EDNRB: variants seen among roughly 807,000 people sequenced by gnomAD.
The protein encoded by EDNRB is endothelin receptor type B.
A neutral mutation model predicts 46.4 loss-of-function variants in EDNRB; 18 were observed. That is an observed-to-expected ratio of 0.39 (90% confidence interval 0.27 to 0.57). The LOEUF is 0.57. Among genes scored for constraint, EDNRB ranks in the 20% least tolerant of loss-of-function variants. The pLI is 0.61. For missense variants in EDNRB, 434 were observed against 537.5 expected, an observed-to-expected ratio of 0.81 and a Z score of 1.90; for synonymous variants, 213 against 204.9, an observed-to-expected ratio of 1.04 and a Z score of -0.34.
rs112515402 is a variant in EDNRB, at chr13:77,948,877, A to G, written c.-52+26470T>C. Among the ~76,000 whole-genome samples, 388 of 152,334 alleles carry G rather than the reference A, an allele frequency of 2.5e-3. 2 individuals carry two copies. Among genetic ancestry groups the G allele is most frequent in the Middle Eastern group, 0.014 (4 of 294 alleles). ...TGGTTTATGATGTTCTCACAAAGCT[A>G]AAGAAAATACCTTGGGAAGTAAAAC... On this transcript the variant is annotated intron_variant, in intron 1 of 7. Transcript: ENST00000646948.
chr13:77,907,855 G>A (rs147289694), intron 1 of EDNRB, among the ~76,000 whole-genome samples: 4 of 151,628 alleles, frequency 2.6e-5, no homozygotes, highest in Admixed American at 2.0e-4. Flanking sequence ...CATACCACTG[G>A]AGGCCTGCAG....
chr13:77,965,066 C>T (rs1243327992), intron 1 of EDNRB, among the ~76,000 whole-genome samples: 1 of 152,168 alleles, frequency 6.6e-6, no homozygotes, highest in South Asian at 2.1e-4. Flanking sequence ...CCTGTCTTAG[C>T]CCTCTTCTGA....
chr13:77,922,766 A>G (rs551899447), upstream of EDNRB, among the ~76,000 whole-genome samples: 2 of 152,338 alleles, frequency 1.3e-5, no homozygotes, highest in African/African-American at 4.8e-5. Flanking sequence ...AGTGAAATGG[A>G]CAGGGCTTAA....
At chr13:77,901,934 A>G (rs1879010085) in intron 3 of EDNRB, among the ~76,000 whole-genome samples, 1 of 151,920 alleles carries the variant, frequency 6.6e-6, no homozygotes, top group Non-Finnish European at 1.5e-5. Context: ...GTCTCCTTAT[A>G]TATTCAATAG....
intron 6 of EDNRB, among the ~76,000 whole-genome samples, chr13:77,898,957 G>A (rs939601279): frequency 6.6e-6 from 1 of 151,744 alleles, no homozygotes; most frequent in Non-Finnish European, 1.5e-5. Context: ...TAAACAATAA[G>A]GTTATATAGT....
intron 1 of EDNRB, among the ~76,000 whole-genome samples, chr13:77,974,126 T>C (rs1881815642): frequency 1.3e-5 from 2 of 152,150 alleles, no homozygotes; most frequent in South Asian, 2.1e-4. Context: ...TTGCTATTAA[T>C]AAGACCTTGT....
rs994363520 is a variant in EDNRB at position 77,961,362 on chromosome 13, C to T, written c.-52+13985G>A. ...AGAATATACTTTCTTCTCAGCACCA[C>T]GTCGCACATAGTTGGAAGTAAAGCA... On this transcript the variant is annotated intron_variant, in intron 1 of 7. Coordinates refer to the EDNRB transcript ENST00000646948. Among the ~76,000 whole-genome samples the T allele has an allele frequency of 9.3e-5, 14 of 151,334 alleles. No homozygotes were observed. In the South Asian group the frequency reaches 1.0e-3, roughly 11 times the overall value.
In EDNRB at chr13:77,918,606, C is replaced by T. The variant is rs780014290; in HGVS notation, c.-33G>A. On this transcript the variant is annotated 5_prime_UTR_variant, in exon 1 of 7. Coordinates refer to ENST00000646607, the MANE Select transcript of EDNRB (RefSeq NM_001122659.3). The surrounding 1 kb of genome is among the most constrained non-coding windows in gnomAD (Gnocchi z 4.5). ...CCTGCTCCAGAAGGCGTCCGGTGGCCGCTCCGCAGTTTCAGAGCCTAGAGA... is the reference window on the plus strand; with the variant it reads ...CCTGCTCCAGAAGGCGTCCGGTGGCTGCTCCGCAGTTTCAGAGCCTAGAGA... The T allele has an allele frequency of 1.4e-5, 22 of 1,562,782 alleles. No individual in the cohort carries two copies. The highest frequency in any genetic ancestry group is 1.8e-5 in the Non-Finnish European group (21 of 1,164,950).
intron 1 of EDNRB, among the ~76,000 whole-genome samples, chr13:77,955,445 C>A (rs1881207893): frequency 6.6e-6 from 1 of 151,992 alleles, no homozygotes; most frequent in Admixed American, 6.6e-5. Flanking sequence ...TTAATTGTTT[C>A]CTTTGCCATG....
At chr13:77,962,353 C>T (rs532909608) in intron 1 of EDNRB, among the ~76,000 whole-genome samples, 1 of 152,254 alleles carries the variant, frequency 6.6e-6, no homozygotes, top group Non-Finnish European at 1.5e-5. Flanking sequence ...GACCAATATC[C>T]CTGATGAACT....
chr13:77,935,861 G>A (rs1880545820), intron 1 of EDNRB, among the ~76,000 whole-genome samples: 1 of 152,158 alleles, frequency 6.6e-6, no homozygotes, highest in African/African-American at 2.4e-5. Flanking sequence ...GAGAATAGGA[G>A]AGTATATGGG....
At chr13:77,973,734 AC>A (rs1881803305) in intron 1 of EDNRB, among the ~76,000 whole-genome samples, 2 of 152,108 alleles carry the variant, frequency 1.3e-5, no homozygotes, top group South Asian at 4.1e-4. Context: ...AGGCCTAATT[AC>A]TTTTAAACTA....
At chr13:77,960,515 C>A (rs895153318) in intron 1 of EDNRB, among the ~76,000 whole-genome samples, 5 of 152,236 alleles carry the variant, frequency 3.3e-5, no homozygotes, top group African/African-American at 1.2e-4. Flanking sequence ...CCAGGCCTGC[C>A]CTACAAGAGT....
chr13:77,934,475 A>G (rs1880497310), intron 1 of EDNRB, among the ~76,000 whole-genome samples: 1 of 152,170 alleles, frequency 6.6e-6, no homozygotes, highest in Non-Finnish European at 1.5e-5. Context: ...AGAGGTGGGA[A>G]GGCCAAACTG....
intron 1 of EDNRB, among the ~76,000 whole-genome samples, chr13:77,970,032 C>A (rs2137694510): frequency 6.6e-6 from 1 of 152,320 alleles, no homozygotes; most frequent in Admixed American, 6.5e-5. Context: ...GCCTTTCAAG[C>A]TGCAGATTAA....
intron 1 of EDNRB, among the ~76,000 whole-genome samples, chr13:77,964,669 C>T (rs1284436340): frequency 2.0e-5 from 3 of 152,098 alleles, no homozygotes; most frequent in African/African-American, 4.8e-5. Flanking sequence ...AGGAGATATA[C>T]CTAATGTAAA....
At chr13:77,907,700 A>T (rs932246592) in intron 1 of EDNRB, among the ~76,000 whole-genome samples, 33 of 151,944 alleles carry the variant, frequency 2.2e-4, no homozygotes, top group African/African-American at 8.0e-4. Context: ...AGGTATGGCT[A>T]TCAGAAGAAT....
In EDNRB at chr13:77,918,636, C is replaced by T. The variant is rs747628162; in HGVS notation, c.-63G>A. On this transcript the variant is annotated 5_prime_UTR_variant, in exon 1 of 7. Coordinates refer to ENST00000646607, the MANE Select transcript of EDNRB (RefSeq NM_001122659.3). The surrounding 1 kb of genome is among the most constrained non-coding windows in gnomAD (Gnocchi z 4.5). ...CGCAGTTTCAGAGCCTAGAGACAAG[C>T]AGAGGAAGGAAGACAGGACACTTGG... 3.9e-6 allele frequency: 6 copies of T among 1,526,252 alleles called. No homozygotes were observed. The highest frequency in any genetic ancestry group is 5.2e-6 in the Non-Finnish European group (6 of 1,150,566). 94.5% of individuals were successfully genotyped at this position (1,526,252 alleles called of 1,614,324 possible). A position where few individuals can be genotyped will look rare whatever the true frequency, so the allele number is the denominator to read the frequency against.
At chr13:77,968,487 C>T (rs899703748) in intron 1 of EDNRB, among the ~76,000 whole-genome samples, 28 of 151,926 alleles carry the variant, frequency 1.8e-4, no homozygotes, top group African/African-American at 6.8e-4. Flanking sequence ...ATGCATGAAT[C>T]TTTGAGCTCA....
Sources: allele counts gnomAD v4.1 joint callset (sites outside exome capture counted in the v4.1 genomes callset), GRCh38; gene constraint gnomAD v4.1.1; non-coding constraint Gnocchi (gnomAD v3.1); transcripts MANE v1.5; gene names NCBI Gene and HGNC (gene_info 2026-07-23, HGNC 2026-07-21).